Variants in PCDH15 observed in about 807,000 individuals in gnomAD.
PCDH15 encodes the protein protocadherin related 15, also known as protocadherin-15.
PCDH15 carries 129 observed loss-of-function variants against 178.5 expected under a neutral mutation model. That is an observed-to-expected ratio of 0.72 (90% confidence interval 0.63 to 0.84). The LOEUF is 0.84. PCDH15 is among the 40% of genes least tolerant of loss of function. The probability of loss-of-function intolerance (pLI) is 0.00; values close to 1 mark genes in which losing one functional copy is unlikely to be tolerated. For missense variants in PCDH15, 2,230 were observed against 2,099.9 expected (o/e 1.06, Z -1.21); for synonymous variants, 800 against 732.0 (o/e 1.09, Z -1.50).
intron 14 of PCDH15, among the ~76,000 whole-genome samples, chr10:54,146,332 G>C (rs140400993): frequency 1.3e-5 from 2 of 151,914 alleles, no homozygotes; most frequent in South Asian, 4.2e-4. Flanking sequence ...AATTTAAAAC[G>C]TATGTTAGCC....
intron 2 of PCDH15, among the ~76,000 whole-genome samples, chr10:55,426,579 G>A (rs990871459): frequency 2.0e-5 from 3 of 152,242 alleles, no homozygotes; most frequent in South Asian, 2.1e-4. Context: ...GATGGTGGAA[G>A]GGTTAACAAC....
chr10:54,982,285 G>T (rs1258299319), intron 2 of PCDH15, among the ~76,000 whole-genome samples: 2 of 151,982 alleles, frequency 1.3e-5, no homozygotes, highest in Non-Finnish European at 2.9e-5. Flanking sequence ...TATGGTTAGG[G>T]TACTTGAAAA....
chr10:55,568,219 T>C (rs1051316992), intron 2 of PCDH15, among the ~76,000 whole-genome samples: 1 of 152,002 alleles, frequency 6.6e-6, no homozygotes, highest in Non-Finnish European at 1.5e-5. Context: ...CAGAATATTA[T>C]TCAACCTTAA....
chr10:55,570,459 TAGAA>T (rs1391580528), intron 2 of PCDH15, among the ~76,000 whole-genome samples: 1 of 152,004 alleles, frequency 6.6e-6, no homozygotes, highest in Non-Finnish European at 1.5e-5. Context: ...AAATTTAAGT[TAGAA>T]AGAAGTTTGC....
intron 3 of PCDH15, among the ~76,000 whole-genome samples, chr10:54,430,645 C>T (rs1299836883): frequency 3.3e-5 from 5 of 151,560 alleles, no homozygotes; most frequent in East Asian, 1.9e-4. Flanking sequence ...GCAATAAGTG[C>T]CTACATCAAA....
rs1032378187 is a variant in PCDH15, at chr10:54,174,166, G to A, written c.1590+9278C>T. Among the ~76,000 whole-genome samples, 3 of 152,126 alleles carry A rather than the reference G, an allele frequency of 2.0e-5. No individual in the cohort carries two copies. The South Asian group carries it at 6.2e-4, about 31-fold the overall frequency. ...CACTGGCTAATGAATGAAGAAGAGG[G>A]AAAGAGGAGACATAAATAATACTCA... On this transcript the variant is annotated intron_variant, in intron 13 of 37. Coordinates refer to ENST00000644397, the MANE Select transcript of PCDH15 (RefSeq NM_001384140.1).
chr10:53,858,474 A>T (rs2078899055), intron 27 of PCDH15, among the ~76,000 whole-genome samples: 1 of 152,160 alleles, frequency 6.6e-6, no homozygotes, highest in African/African-American at 2.4e-5. Context: ...CTCACCTCTA[A>T]GGAATATTGC....
rs1487220938 is a variant in PCDH15 at position 53,822,031 on chromosome 10, T to C, written c.4368-1801A>G. The C allele has an allele frequency of 1.9e-6, 3 of 1,614,064 alleles. No individual in the cohort carries two copies. Among genetic ancestry groups the C allele is most frequent in the Non-Finnish European group, 2.5e-6 (3 of 1,179,936 alleles). ...TAGTTTTTTTCTATTTGACTGTACA[T>C]GTTAGCTACTGATTTTTCAAGTTCT... On this transcript the variant is annotated intron_variant, in intron 32 of 37. Transcript: ENST00000644397.
chr10:55,078,785 C>A (rs994243903), intron 2 of PCDH15, among the ~76,000 whole-genome samples: 6 of 151,756 alleles, frequency 4.0e-5, no homozygotes, highest in Admixed American at 1.3e-4. Context: ...CTTCCCAAAC[C>A]CCCCGTGGAT....
chr10:54,365,753 T>C (rs1946697678), intron 5 of PCDH15, among the ~76,000 whole-genome samples: 1 of 152,128 alleles, frequency 6.6e-6, no homozygotes, highest in African/African-American at 2.4e-5. Flanking sequence ...TTAAAGCTAA[T>C]TGAGTCTTCA....
At chr10:54,170,728 C>T (rs564806285) in intron 13 of PCDH15, among the ~76,000 whole-genome samples, 16 of 152,126 alleles carry the variant, frequency 1.1e-4, no homozygotes, top group South Asian at 2.1e-4. Flanking sequence ...ACCCTGATCA[C>T]GCTTGATTTA....
intron 1 of PCDH15, among the ~76,000 whole-genome samples, chr10:54,761,351 G>C (rs916994672): frequency 6.6e-6 from 1 of 152,092 alleles, no homozygotes; most frequent in African/African-American, 2.4e-5. Context: ...GCTCAACTCT[G>C]AAGCTAGGCT....
intron 25 of PCDH15, among the ~76,000 whole-genome samples, chr10:53,926,225 C>A (rs1012531697): frequency 6.6e-6 from 1 of 152,188 alleles, no homozygotes; most frequent in Non-Finnish European, 1.5e-5. Flanking sequence ...TCTCTCCAAG[C>A]TATTCTACAT....
intron 4 of PCDH15, among the ~76,000 whole-genome samples, chr10:54,370,264 A>C (rs1215097370): frequency 6.6e-6 from 1 of 151,842 alleles, no homozygotes; most frequent in Non-Finnish European, 1.5e-5. Context: ...TTATCTCTAA[A>C]TATGTCATTT....
intron 32 of PCDH15, chr10:53,823,364 A>C: frequency 6.2e-7 from 1 of 1,609,788 alleles, no homozygotes; most frequent in Non-Finnish European, 8.5e-7. Flanking sequence ...AAAGACTTGA[A>C]AGAAAAGAAG....
chr10:54,543,564 G>A (rs575653512), intron 2 of PCDH15, among the ~76,000 whole-genome samples: 3 of 152,296 alleles, frequency 2.0e-5, no homozygotes, highest in Admixed American at 6.5e-5. Context: ...ACAAGGGATG[G>A]ATGTCTACCT....
intron 2 of PCDH15, among the ~76,000 whole-genome samples, chr10:55,483,690 T>C (rs1840234281): frequency 6.6e-6 from 1 of 151,338 alleles, no homozygotes; most frequent in Non-Finnish European, 1.5e-5. Flanking sequence ...GTGGTGTGTG[T>C]CTGCAATCCC....
chr10:55,432,016 T>C (rs1838891614), intron 2 of PCDH15, among the ~76,000 whole-genome samples: 1 of 151,470 alleles, frequency 6.6e-6, no homozygotes, highest in South Asian at 2.1e-4. Context: ...TTATGTCAGA[T>C]TGTGAGAAGT....
intron 2 of PCDH15, among the ~76,000 whole-genome samples, chr10:54,614,239 G>T (rs1397099273): frequency 6.6e-6 from 1 of 151,852 alleles, no homozygotes; most frequent in Non-Finnish European, 1.5e-5. Flanking sequence ...TAGCCTAGAG[G>T]GCTGAGAGGC....
Sources: allele counts gnomAD v4.1 joint callset (sites outside exome capture counted in the v4.1 genomes callset), GRCh38; gene constraint gnomAD v4.1.1; transcripts MANE v1.5; gene names NCBI Gene and HGNC (gene_info 2026-07-23, HGNC 2026-07-21).